Variants in ABCA13 observed in about 807,000 individuals in gnomAD.
ABCA13 encodes ATP-binding cassette sub-family A member 13.
Under a neutral mutation model 478.7 loss-of-function variants are expected in ABCA13, and 476 were observed. The ratio of observed to expected loss-of-function variants is 0.99; its 90% confidence interval spans 0.92 to 1.07. ABCA13 has a LOEUF of 1.07. Ranked by LOEUF, ABCA13 falls within the 50% of genes least tolerant of loss-of-function variation. The pLI is 0.00. For missense variants in ABCA13, 6,060 were observed against 5,910.6 expected, an observed-to-expected ratio of 1.03 and a Z score of -0.83; for synonymous variants, 2,252 against 2,158.9, an observed-to-expected ratio of 1.04 and a Z score of -1.20.
intron 58 of ABCA13, among the ~76,000 whole-genome samples, chr7:48,602,508 A>T (rs2131488878): frequency 2.0e-5 from 3 of 152,260 alleles, no homozygotes; most frequent in Non-Finnish European, 4.4e-5. Flanking sequence ...TGTTTTTGCC[A>T]GTTTTGTCAA....
intron 55 of ABCA13, among the ~76,000 whole-genome samples, chr7:48,573,191 T>C (rs1787841584): frequency 6.6e-6 from 1 of 152,134 alleles, no homozygotes; most frequent in African/African-American, 2.4e-5. Context: ...TTTTATTTGA[T>C]TTTTTAAACA....
chr7:48,440,879 T>G (rs953131655), intron 42 of ABCA13, among the ~76,000 whole-genome samples: 8 of 152,240 alleles, frequency 5.3e-5, no homozygotes, highest in African/African-American at 1.9e-4. Flanking sequence ...AAGAGTGATG[T>G]TTTGAATTTA....
chr7:48,205,869 T>A (rs916467767), intron 3 of ABCA13, among the ~76,000 whole-genome samples: 1 of 152,364 alleles, frequency 6.6e-6, no homozygotes, highest in East Asian at 1.9e-4. Flanking sequence ...AAGTTAATTT[T>A]AAAAATCAAC....
At chr7:48,438,000 C>T (rs562262124) in intron 42 of ABCA13, among the ~76,000 whole-genome samples, 1 of 152,224 alleles carries the variant, frequency 6.6e-6, no homozygotes, top group Admixed American at 6.6e-5. Context: ...GGCACCCATA[C>T]GCCTGCACTC....
chr7:48,303,775 A>T (rs1463000257), intron 23 of ABCA13, among the ~76,000 whole-genome samples: 1 of 152,106 alleles, frequency 6.6e-6, no homozygotes, highest in Non-Finnish European at 1.5e-5. Flanking sequence ...TCAAATTCTG[A>T]TACTTTAATT....
At chr7:48,210,129 A>C (rs1021923040) in intron 3 of ABCA13, among the ~76,000 whole-genome samples, 1 of 152,160 alleles carries the variant, frequency 6.6e-6, no homozygotes, top group Non-Finnish European at 1.5e-5. Flanking sequence ...TTGACTCACA[A>C]TTCTGCACCG....
chr7:48,256,032 T>A (rs1479039112), intron 15 of ABCA13, among the ~76,000 whole-genome samples: 3 of 152,166 alleles, frequency 2.0e-5, no homozygotes, highest in Non-Finnish European at 4.4e-5. Context: ...TCTCAGTGGT[T>A]TTGATTTGTA....
chr7:48,398,816 A>G (rs549724387), intron 38 of ABCA13, among the ~76,000 whole-genome samples: 272 of 152,272 alleles, frequency 1.8e-3, no homozygotes, highest in African/African-American at 6.3e-3. Flanking sequence ...GGGACAAAGC[A>G]TTGATCCCTG....
chr7:48,349,361 C>T lies in ABCA13; in HGVS notation c.10205-1282C>T, dbSNP rs112122360. Among the ~76,000 whole-genome samples, 6 of 152,218 alleles carry T rather than the reference C, an allele frequency of 3.9e-5. No homozygotes were observed. The South Asian group carries it at 6.2e-4, about 16-fold the overall frequency. On this transcript the variant is annotated intron_variant, in intron 29 of 61. Transcript: ENST00000435803. ...GAGGGGATGAAGGGCAGAAGGAGCC[C>T]GACACTTCTTGATGTTGTTTGGCAG...
In ABCA13 at chr7:48,516,901, C is replaced by T. The variant is rs758063951; in HGVS notation, c.13797+20C>T. 1 of 1,609,898 alleles carries T rather than the reference C, an allele frequency of 6.2e-7. No individual in the cohort carries two copies. Among genetic ancestry groups the T allele is most frequent in the Non-Finnish European group, 8.5e-7 (1 of 1,177,174 alleles). ...GCTAAGGTCAGTAGCTTTGTAGCAT[C>T]ACCTCTACACTTCTGCACCTCTAGT... On this transcript the variant is annotated intron_variant, in intron 52 of 61. Transcript: ENST00000435803.
At chr7:48,337,649 G>T (rs1320927433) in intron 28 of ABCA13, among the ~76,000 whole-genome samples, 2 of 152,212 alleles carry the variant, frequency 1.3e-5, no homozygotes, top group Non-Finnish European at 2.9e-5. Flanking sequence ...CCCAGTCATT[G>T]ATCCTGAGGC....
chr7:48,631,009 T>C (rs1397445650), intron 59 of ABCA13, among the ~76,000 whole-genome samples: 1 of 152,028 alleles, frequency 6.6e-6, no homozygotes, highest in African/African-American at 2.4e-5. Context: ...TGGGGTTATT[T>C]GTTTTTTGCT....
At chr7:48,285,703 C>T (rs555437042) in intron 19 of ABCA13, among the ~76,000 whole-genome samples, 1 of 152,324 alleles carries the variant, frequency 6.6e-6, no homozygotes, top group Non-Finnish European at 1.5e-5. Flanking sequence ...AGGGTGCATT[C>T]TCTGCTCTTT....
intron 46 of ABCA13, 150 bp downstream of exon 46, chr7:48,481,304 G>A: frequency 1.6e-6 from 1 of 643,844 alleles, no homozygotes; most frequent in Non-Finnish European, 2.7e-6. Flanking sequence ...TCCCCTTCCT[G>A]TGTCCATGTT....
At position 48,372,432 on chromosome 7, in the gene ABCA13, T is replaced by C. The variant is rs1812777130; in HGVS notation, c.11068T>C (p.Phe3690Leu). 1 of 1,613,776 alleles carries C rather than the reference T, an allele frequency of 6.2e-7. No homozygotes were observed. The highest frequency in any genetic ancestry group is 1.7e-5 in the Admixed American group (1 of 59,984). The change falls in exon 33 of 62, where the codon TTT (phenylalanine) becomes CTT (leucine). Residue 3690 changes from phenylalanine to leucine, a missense_variant. By Grantham distance (22) the Phe-to-Leu change is conservative. Around this residue, in one of 3 missense-constraint regions of ABCA13, gnomAD observed 4,423 missense variants for 4,309.1 expected, o/e 1.03. Transcript: ENST00000435803. ...LCTSLVYMIS[F>L]LPYIVLLVLH... The stretch of plus-strand genomic sequence containing the variant: ...TACCAGCCTGGTGTACATGATCAGC[T>C]TTCTGCCCTACATAGTTCTATTGGT...
At position 48,276,371 on chromosome 7, in the gene ABCA13, G is replaced by A; in HGVS notation, c.6705G>A (p.Met2235Ile). Residue 2235 changes from methionine (M) to isoleucine (I), a missense_variant, in exon 17 of 62, where the codon ATG becomes ATA. Physicochemically the swap from Met to Ile is conservative, Grantham distance 10. This residue lies in a region of ABCA13 where 4,423 missense variants were observed against 4,309.1 expected (regional missense o/e 1.03). Coordinates refer to ENST00000435803, the MANE Select transcript of ABCA13 (RefSeq NM_152701.5). ...TAAATGATACTGACCTTCAAATAAT[G>A]AATTTCATTAACCTTATCTTGAACC... The part of the protein sequence containing the change: ...WNLNDTDLQI[M>I]NFINLILNHM... 6.5e-7 allele frequency: 1 copy of A among 1,547,312 alleles called. No homozygotes were observed. The highest frequency in any genetic ancestry group is 2.0e-5 in the Admixed American group (1 of 49,952).
chr7:48,222,527 A>G lies in ABCA13; in HGVS notation c.468+1218A>G, dbSNP rs374226221. On this transcript the variant is annotated intron_variant, in intron 5 of 61. Coordinates refer to ENST00000435803, the MANE Select transcript of ABCA13 (RefSeq NM_152701.5). ...TCATTGATAATGATGGATAATTCAAATTTCCCAAAGTAAGATAAGTTGACC... is the reference window on the plus strand; with the variant it reads ...TCATTGATAATGATGGATAATTCAAGTTTCCCAAAGTAAGATAAGTTGACC... Among the ~76,000 whole-genome samples, 269 of 152,326 alleles carry G rather than the reference A, an allele frequency of 1.8e-3. 1 individual carries two copies. The highest frequency in any genetic ancestry group is 6.0e-3 in the African/African-American group (251 of 41,570).
intron 35 of ABCA13, among the ~76,000 whole-genome samples, chr7:48,383,593 G>A (rs1451095763): frequency 1.3e-5 from 2 of 152,166 alleles, no homozygotes; most frequent in African/African-American, 4.8e-5. Context: ...TTTAGAATGT[G>A]CATGTATGAA....
intron 55 of ABCA13, among the ~76,000 whole-genome samples, chr7:48,565,559 A>T (rs1275937140): frequency 6.6e-6 from 1 of 152,008 alleles, no homozygotes; most frequent in Non-Finnish European, 1.5e-5. Context: ...GGATAAACTT[A>T]TTCTACCTTT....
Sources: allele counts gnomAD v4.1 joint callset (sites outside exome capture counted in the v4.1 genomes callset), GRCh38; gene constraint gnomAD v4.1.1; regional missense constraint gnomAD v4.1.1; transcripts MANE v1.5; gene names NCBI Gene and HGNC (gene_info 2026-07-23, HGNC 2026-07-21).